ERBB4: variants seen among roughly 807,000 people sequenced by gnomAD.
ERBB4 encodes the protein receptor tyrosine-protein kinase erbB-4.
ERBB4 carries 42 observed loss-of-function variants against 158.0 expected under a neutral mutation model. The observed-to-expected ratio is 0.27, with a 90% CI of 0.21 to 0.34. The LOEUF is 0.34. ERBB4 is among the 10% of genes least tolerant of loss of function. The pLI, the probability that ERBB4 is intolerant of heterozygous loss-of-function variation, is 1.00. For missense variants in ERBB4, 1,333 were observed against 1,624.1 expected, an observed-to-expected ratio of 0.82 and a Z score of 3.08; for synonymous variants, 583 against 558.7, an observed-to-expected ratio of 1.04 and a Z score of -0.61.
At chr2:212,349,291 A>T (rs913626082) in intron 1 of ERBB4, among the ~76,000 whole-genome samples, 21 of 136,470 alleles carry the variant, frequency 1.5e-4, no homozygotes, top group South Asian at 2.2e-4. Flanking sequence ...TCTTAATCAC[A>T]CACACACACA....
intron 25 of ERBB4, among the ~76,000 whole-genome samples, chr2:211,414,369 T>C (rs981963868): frequency 2.6e-5 from 4 of 151,742 alleles, no homozygotes; most frequent in Non-Finnish European, 5.9e-5. Context: ...TGGTGGTGCA[T>C]GCCTTAGTTC....
In ERBB4 at chr2:211,665,328, G is replaced by A; in HGVS notation, c.1866C>T (p.Thr622=). The A allele has an allele frequency of 6.2e-7, 1 of 1,614,010 alleles. No homozygotes were observed. Among genetic ancestry groups the A allele is most frequent in the Non-Finnish European group, 8.5e-7 (1 of 1,179,986 alleles). The change falls in exon 15 of 28, where the codon ACC becomes ACT. Residue 622 remains threonine (T), a synonymous_variant. Coordinates refer to ENST00000342788, the MANE Select transcript of ERBB4 (RefSeq NM_005235.3). The part of the protein sequence containing the change: ...RECHPCHPNC[T]QGCNGPTSHD... Reference sequence around the variant, plus strand: ...TGGCCAGCAAGAATGCTTACCCTTGGGTGCAGTTTGGATGGCATGGGTGGC... The same window carrying A: ...TGGCCAGCAAGAATGCTTACCCTTGAGTGCAGTTTGGATGGCATGGGTGGC...
At chr2:212,355,881 A>T (rs1414996725) in intron 1 of ERBB4, among the ~76,000 whole-genome samples, 2 of 152,018 alleles carry the variant, frequency 1.3e-5, no homozygotes, top group African/African-American at 2.4e-5. Flanking sequence ...GGCATCACCT[A>T]TCTGTTCCCA....
At chr2:211,840,267 CAAGA>C (rs1462711159) in intron 3 of ERBB4, among the ~76,000 whole-genome samples, 4 of 152,090 alleles carry the variant, frequency 2.6e-5, no homozygotes, top group African/African-American at 9.6e-5. Context: ...TGCCTGCCAC[CAAGA>C]AAGACGTGAC....
At chr2:212,391,092 T>C (rs1414152103) in intron 1 of ERBB4, among the ~76,000 whole-genome samples, 1 of 151,766 alleles carries the variant, frequency 6.6e-6, no homozygotes, top group East Asian at 1.9e-4. Flanking sequence ...ATCCATGAAC[T>C]AATATTTCCA....
chr2:211,845,554 T>C (rs1461015553), intron 3 of ERBB4, among the ~76,000 whole-genome samples: 1 of 152,152 alleles, frequency 6.6e-6, no homozygotes, highest in Non-Finnish European at 1.5e-5. Context: ...CTCACCAGAT[T>C]GCCTTGATCA....
intron 2 of ERBB4, among the ~76,000 whole-genome samples, chr2:212,016,959 T>C (rs1005902097): frequency 4.6e-5 from 7 of 152,136 alleles, no homozygotes; most frequent in African/African-American, 1.7e-4. Context: ...AAGTGCCAGA[T>C]GCATGGAAAA....
chr2:211,523,617 G>A (rs116594865), intron 20 of ERBB4, among the ~76,000 whole-genome samples: 13,148 of 151,674 alleles, frequency 0.087, 744 homozygotes, highest in African/African-American at 0.16. Context: ...AAGGCTGCGC[G>A]TCTGGAGTTG....
chr2:211,485,289 T>C (rs958523366), intron 20 of ERBB4, among the ~76,000 whole-genome samples: 3 of 152,216 alleles, frequency 2.0e-5, no homozygotes, highest in Admixed American at 2.0e-4. Flanking sequence ...GCATACATAA[T>C]GTAAACATAA....
chr2:211,740,622 C>CTTTTTT (rs1169540948), intron 5 of ERBB4, among the ~76,000 whole-genome samples: 554 of 90,150 alleles, frequency 6.1e-3, no homozygotes, highest in East Asian at 0.012. Context: ...TTTTCTTTGT[C>CTTTTTT]TTTTTTTTTT....
chr2:212,263,056 G>T (rs1010476842), intron 1 of ERBB4, among the ~76,000 whole-genome samples: 1 of 152,052 alleles, frequency 6.6e-6, no homozygotes, highest in African/African-American at 2.4e-5. Context: ...TAAATCTTTT[G>T]AAATATCTTA....
In ERBB4 at chr2:212,537,150, C is replaced by CGGCGGG. The variant is rs576146218; in HGVS notation, c.82+1298_82+1299insCCCGCC. ...GCAAAGGAGGCGGCGGCGGCGGCGG[C>CGGCGGG]GGCGGAGCGGGAAAACTACAGCTAG... On this transcript the variant is annotated intron_variant, in intron 1 of 27. Transcript: ENST00000342788. Among the ~76,000 whole-genome samples the CGGCGGG allele has an allele frequency of 2.1e-3, 318 of 151,210 alleles. 3 individuals are homozygous for CGGCGGG. The highest frequency in any genetic ancestry group is 7.0e-3 in the African/African-American group (286 of 41,034).
At chr2:211,887,925 G>C (rs2106171738) in intron 3 of ERBB4, among the ~76,000 whole-genome samples, 1 of 152,244 alleles carries the variant, frequency 6.6e-6, no homozygotes, top group African/African-American at 2.4e-5. Context: ...AAATGACCCT[G>C]AATCAATTGT....
At chr2:212,364,760 A>T (rs1022754634) in intron 1 of ERBB4, among the ~76,000 whole-genome samples, 10 of 151,722 alleles carry the variant, frequency 6.6e-5, no homozygotes, top group Non-Finnish European at 1.3e-4. Flanking sequence ...TCCCCAAAAT[A>T]CACTATTCTG....
intron 1 of ERBB4, among the ~76,000 whole-genome samples, chr2:212,188,538 A>G (rs1016015722): frequency 1.3e-5 from 2 of 151,874 alleles, no homozygotes; most frequent in African/African-American, 4.8e-5. Flanking sequence ...AAAAGTATTC[A>G]AAGGCTTCCC....
intron 2 of ERBB4, among the ~76,000 whole-genome samples, chr2:212,108,394 C>T (rs1411633396): frequency 6.6e-6 from 1 of 152,156 alleles, no homozygotes; most frequent in African/African-American, 2.4e-5. Context: ...CCCCCTAAGA[C>T]AAACCACCTT....
intron 2 of ERBB4, among the ~76,000 whole-genome samples, chr2:212,031,329 A>G (rs1170986268): frequency 6.6e-6 from 1 of 152,158 alleles, no homozygotes; most frequent in East Asian, 1.9e-4. Context: ...AATTTTTTAT[A>G]TATCAACCTG....
intron 1 of ERBB4, among the ~76,000 whole-genome samples, chr2:212,474,325 A>C (rs936143159): frequency 2.0e-5 from 3 of 152,106 alleles, no homozygotes; most frequent in African/African-American, 7.2e-5. Context: ...ACGAGTAATA[A>C]GGTTCAAAGT....
chr2:211,455,010 T>G (rs939095997), intron 20 of ERBB4, among the ~76,000 whole-genome samples: 5 of 152,272 alleles, frequency 3.3e-5, no homozygotes, highest in Non-Finnish European at 5.9e-5. Context: ...ACCATTCTTT[T>G]GCTGAATGTA....
Sources: allele counts gnomAD v4.1 joint callset (sites outside exome capture counted in the v4.1 genomes callset), GRCh38; gene constraint gnomAD v4.1.1; transcripts MANE v1.5; gene names NCBI Gene and HGNC (gene_info 2026-07-23, HGNC 2026-07-21).